RTN4: variants seen among roughly 807,000 people sequenced by gnomAD.
RTN4 encodes reticulon-4.
In RTN4, 32 loss-of-function variants were observed where a neutral mutation model predicts 90.4. The observed-to-expected ratio is 0.35, with a 90% CI of 0.27 to 0.48. RTN4 has a LOEUF of 0.48. Among genes scored for constraint, RTN4 ranks in the 20% least tolerant of loss-of-function variants. The pLI is 0.99. For missense variants in RTN4, 1,706 were observed against 1,430.2 expected (o/e 1.19, Z -3.11); for synonymous variants, 629 against 552.5 (o/e 1.14, Z -1.94).
At chr2:55,015,524 G>A (rs1293023456) in intron 3 of RTN4, among the ~76,000 whole-genome samples, 9 of 151,904 alleles carry the variant, frequency 5.9e-5, no homozygotes, top group African/African-American at 2.2e-4. Flanking sequence ...TAAAATCAGG[G>A]AAAAAAATGA....
intron 2 of RTN4, among the ~76,000 whole-genome samples, chr2:55,077,071 G>C (rs1362680964): frequency 2.0e-5 from 3 of 151,058 alleles, no homozygotes; most frequent in African/African-American, 7.3e-5. Flanking sequence ...GCAGTGCAGT[G>C]GCGCGATCTC....
At chr2:55,048,489 A>C (rs1315126667) in intron 1 of RTN4, among the ~76,000 whole-genome samples, 1 of 151,610 alleles carries the variant, frequency 6.6e-6, no homozygotes, top group Non-Finnish European at 1.5e-5. Context: ...TTATTCTATA[A>C]GCTTTTTTCT....
At chr2:55,122,624 C>A in the RTN4 span, among the ~76,000 whole-genome samples, 50,058 of 152,100 alleles carry the variant, frequency 0.33, 9,660 homozygotes, top group African/African-American at 0.54. Flanking sequence ...ATGGGTCAGT[C>A]CTATGGGCAC....
intron 1 of RTN4, among the ~76,000 whole-genome samples, chr2:55,100,161 G>C (rs1667827345): frequency 6.6e-6 from 1 of 152,258 alleles, no homozygotes; most frequent in African/African-American, 2.4e-5. Flanking sequence ...CCAAGCACCA[G>C]TGTACTTTCT....
chr2:55,118,179 C>T, the RTN4 span, among the ~76,000 whole-genome samples: 2 of 152,080 alleles, frequency 1.3e-5, no homozygotes, highest in African/African-American at 4.8e-5. Context: ...TTAAAAGACA[C>T]CCAGGGCTGG....
chr2:55,129,258 T>A, the RTN4 span, among the ~76,000 whole-genome samples: 144,625 of 152,238 alleles, frequency 0.95, 68,794 homozygotes, highest in African/African-American at 0.98. Flanking sequence ...AAATACTAAA[T>A]TATCATTGTT....
chr2:55,125,150 A>G, the RTN4 span, among the ~76,000 whole-genome samples: 3 of 152,230 alleles, frequency 2.0e-5, no homozygotes, highest in African/African-American at 7.2e-5. Context: ...CAAAACTATA[A>G]AAACCCTGGA....
chr2:55,134,664 A>G, the RTN4 span, among the ~76,000 whole-genome samples: 1 of 152,266 alleles, frequency 6.6e-6, no homozygotes, highest in African/African-American at 2.4e-5. Context: ...GTGAAGCGGG[A>G]GGTGGGAGCT....
intron 2 of RTN4, among the ~76,000 whole-genome samples, chr2:55,077,065 T>C (rs1457243243): frequency 6.6e-6 from 1 of 151,294 alleles, no homozygotes; most frequent in Non-Finnish European, 1.5e-5. Flanking sequence ...CAGGTTGCAG[T>C]GCAGTGGCGC....
intron 4 of RTN4, among the ~76,000 whole-genome samples, chr2:54,983,469 T>C (rs17418675): frequency 0.27 from 41,421 of 151,978 alleles, 6,015 homozygotes; most frequent in Non-Finnish European, 0.33. Context: ...AAGTGCTGAG[T>C]GTTCCCTCGT....
At chr2:55,099,819 G>T (rs565137910) in intron 1 of RTN4, among the ~76,000 whole-genome samples, 8 of 152,172 alleles carry the variant, frequency 5.3e-5, no homozygotes, top group African/African-American at 1.7e-4. Flanking sequence ...ATCCTGTAAA[G>T]TTTAAATGAA....
At chr2:54,993,242 C>T (rs1423762271) in intron 3 of RTN4, among the ~76,000 whole-genome samples, 2 of 152,070 alleles carry the variant, frequency 1.3e-5, no homozygotes, top group Non-Finnish European at 2.9e-5. Context: ...TAATGGCAAG[C>T]ATGAATCATG....
In RTN4 at chr2:54,973,639, A is replaced by C. The variant is rs1677337452; in HGVS notation, c.3478-18T>G. ...ATCTGTGCCTGAAAGAGAGGTATAAAGGAATTATTACCGTTGCTAAAGAAT... is the reference window on the plus strand; with the variant it reads ...ATCTGTGCCTGAAAGAGAGGTATAACGGAATTATTACCGTTGCTAAAGAAT... On this transcript the variant is annotated intron_variant, in intron 7 of 8. Coordinates refer to ENST00000337526, the MANE Select transcript of RTN4 (RefSeq NM_020532.5). 1.9e-6 allele frequency: 3 copies of C among 1,596,392 alleles called. No individual in the cohort carries two copies. Among genetic ancestry groups the C allele is most frequent in the Non-Finnish European group, 2.6e-6 (3 of 1,164,100 alleles).
the RTN4 span, among the ~76,000 whole-genome samples, chr2:55,135,239 GCT>G: frequency 8.1e-6 from 1 of 123,572 alleles, no homozygotes; most frequent in Non-Finnish European, 1.6e-5. Context: ...ATGGAGTCTT[GCT>G]CTGTCACCCA....
At chr2:54,993,735 G>A (rs1679206023) in intron 3 of RTN4, among the ~76,000 whole-genome samples, 1 of 152,204 alleles carries the variant, frequency 6.6e-6, no homozygotes, top group African/African-American at 2.4e-5. Flanking sequence ...GGAGCCATCA[G>A]ACCCTTTAGA....
Position 55,026,115 on chromosome 2 carries a change from C to T in RTN4, c.1984G>A (p.Ala662Thr), listed in dbSNP as rs1470142012. The T allele has an allele frequency of 4.3e-6, 7 of 1,613,408 alleles. No individual in the cohort carries two copies. In the East Asian group the frequency reaches 1.6e-4, roughly 36 times the overall value. The change falls in exon 3 of 9, where the codon GCC (alanine) becomes ACC (threonine). Residue 662 changes from alanine (A) to threonine (T), a missense_variant. Coordinates refer to ENST00000337526, the MANE Select transcript of RTN4 (RefSeq NM_020532.5). Reference protein sequence around the residue: ...EPENPPPYEEAMSVSLKKVSG... With the variant: ...EPENPPPYEETMSVSLKKVSG... ...ACTTTTTTTAGTGATACACTCATGG[C>T]CTCTTCATATGGTGGGGGGTTTTCA...
intron 3 of RTN4, among the ~76,000 whole-genome samples, chr2:54,999,907 G>C (rs1286336709): frequency 1.3e-5 from 2 of 152,158 alleles, no homozygotes; most frequent in Non-Finnish European, 2.9e-5. Context: ...AAGACATTAA[G>C]AGGACCTTAA....
chr2:54,982,632 A>G lies in RTN4; in HGVS notation c.3243T>C (p.Val1081=). 6.2e-7 allele frequency: 1 copy of G among 1,609,768 alleles called. No homozygotes were observed. Among genetic ancestry groups the G allele is most frequent in the African/African-American group, 1.3e-5 (1 of 74,870 alleles). Residue 1081 remains valine (V), a synonymous_variant, in exon 5 of 9, where the codon GTT becomes GTC. Coordinates refer to ENST00000337526, the MANE Select transcript of RTN4 (RefSeq NM_020532.5). The part of the protein sequence containing the change: ...HPFRAYLESE[V]AISEELVQKY... ...TCTGAACCAACTCCTCAGATATAGC[A>G]ACTTCAGATTCCAGATATGCCCTAG...
the RTN4 span, among the ~76,000 whole-genome samples, chr2:55,129,481 G>C: frequency 6.6e-6 from 1 of 152,106 alleles, no homozygotes; most frequent in Non-Finnish European, 1.5e-5. Flanking sequence ...TCAGGAGGTT[G>C]AGATAGGAGG....
Sources: allele counts gnomAD v4.1 joint callset (sites outside exome capture counted in the v4.1 genomes callset), GRCh38; gene constraint gnomAD v4.1.1; transcripts MANE v1.5; gene names NCBI Gene and HGNC (gene_info 2026-07-23, HGNC 2026-07-21).